Variants in CNNM2 observed in about 807,000 individuals in gnomAD.
CNNM2 encodes cyclin and CBS domain divalent metal cation transport mediator 2, also known as metal transporter CNNM2.
In CNNM2, 12 loss-of-function variants were observed where a neutral mutation model predicts 66.9. That is an observed-to-expected ratio of 0.18 (90% CI 0.11 to 0.29). The LOEUF is 0.29. Among genes scored for constraint, CNNM2 ranks in the 10% least tolerant of loss-of-function variants. CNNM2 has a pLI of 1.00. For synonymous variants in CNNM2, 557 were observed against 501.8 expected, an observed-to-expected ratio of 1.11 and a Z score of -1.47; for missense variants, 705 against 1,167.7, an observed-to-expected ratio of 0.60 and a Z score of 5.77.
chr10:103,027,800 A>G (rs2064735735), intron 1 of CNNM2, among the ~76,000 whole-genome samples: 1 of 152,232 alleles, frequency 6.6e-6, no homozygotes, highest in Non-Finnish European at 1.5e-5. Context: ...ATTATCATTT[A>G]TTGAGCACTT....
At chr10:102,963,640 C>A (rs2134206538) in intron 1 of CNNM2, among the ~76,000 whole-genome samples, 1 of 145,940 alleles carries the variant, frequency 6.9e-6, no homozygotes, top group African/African-American at 2.5e-5. Flanking sequence ...TTTTATTTTT[C>A]TTTCTTTTTT....
chr10:102,986,617 C>CT lies in CNNM2; in HGVS notation c.1622-63088dup, dbSNP rs1554895491. Among the ~76,000 whole-genome samples, 15,752 of 141,500 alleles carry CT rather than the reference C, an allele frequency of 0.11. 850 individuals carry two copies. Among genetic ancestry groups the CT allele is most frequent in the Middle Eastern group, 0.19 (52 of 278 alleles). 92.8% of individuals were successfully genotyped at this position (141,500 alleles called of 152,430 possible). A position where few individuals can be genotyped will look rare whatever the true frequency, so the allele number is the denominator to read the frequency against. The stretch of plus-strand genomic sequence containing the variant: ...CTAACACGATGAAACCATGTCTCTA[C>CT]TTAAAAAAAAAAGTCAGCTGGGCAT... On this transcript the variant is annotated intron_variant, in intron 1 of 7. Transcript: ENST00000369878.
In CNNM2 at chr10:102,994,731, C is replaced by T. The variant is rs115202210; in HGVS notation, c.1622-54976C>T. Among the ~76,000 whole-genome samples the T allele has an allele frequency of 2.2e-3, 329 of 152,356 alleles. 3 individuals carry two copies. Among genetic ancestry groups the T allele is most frequent in the African/African-American group, 7.7e-3 (321 of 41,580 alleles). On this transcript the variant is annotated intron_variant, in intron 1 of 7. Coordinates refer to ENST00000369878, the MANE Select transcript of CNNM2 (RefSeq NM_017649.5). ...ATACCCAGGCCTTGCCTCTGATACC[C>T]GTGACACTAGTTACTAGACACTGTA...
chr10:102,919,699 A>T lies in CNNM2; in HGVS notation c.1219A>T (p.Thr407Ser), dbSNP rs764270473. The T allele has an allele frequency of 6.2e-7, 1 of 1,614,168 alleles. No homozygotes were observed. Among genetic ancestry groups the T allele is most frequent in the South Asian group, 1.1e-5 (1 of 91,088 alleles). ...CTGCGTCCTGGGCCAGGAGATAGGC[A>T]CCGTCTATAACCGGGAAAAACTGCT... ...LDCVLGQEIG[T>S]VYNREKLLEM... Residue 407 changes from threonine to serine, a missense_variant, in exon 1 of 8, where the codon ACC becomes TCC. Thr to Ser is a moderately conservative substitution (Grantham distance 58). Coordinates refer to ENST00000369878, the MANE Select transcript of CNNM2 (RefSeq NM_017649.5).
chr10:103,048,548 T>G, intron 1 of CNNM2, among the ~76,000 whole-genome samples: 1 of 145,512 alleles, frequency 6.9e-6, no homozygotes, highest in East Asian at 1.9e-4. Flanking sequence ...AGCTCAAATT[T>G]TATCATTGGC....
At chr10:103,007,893 G>T (rs1317426260) in intron 1 of CNNM2, among the ~76,000 whole-genome samples, 1 of 152,170 alleles carries the variant, frequency 6.6e-6, no homozygotes, top group African/African-American at 2.4e-5. Context: ...AATTATAAAA[G>T]TATTAATTTG....
At chr10:103,008,353 G>A (rs547800171) in intron 1 of CNNM2, among the ~76,000 whole-genome samples, 1 of 152,300 alleles carries the variant, frequency 6.6e-6, no homozygotes, top group East Asian at 1.9e-4. Flanking sequence ...TATACCAAGT[G>A]CAGGCCCTTC....
intron 1 of CNNM2, among the ~76,000 whole-genome samples, chr10:102,976,660 G>GT (rs1412292791): frequency 8.5e-6 from 1 of 117,030 alleles, no homozygotes; most frequent in Non-Finnish European, 1.7e-5. Flanking sequence ...TAGAGACAGG[G>GT]TTTTACCATG....
chr10:102,945,840 C>T (rs756581174), intron 1 of CNNM2, among the ~76,000 whole-genome samples: 8 of 151,866 alleles, frequency 5.3e-5, no homozygotes, highest in East Asian at 1.9e-4. Flanking sequence ...AATTTCTTCT[C>T]GCAGGATGAT....
chr10:102,920,214 CCTT>C, intron 1 of CNNM2, 113 bp downstream of exon 1: 2 of 1,603,292 alleles, frequency 1.2e-6, no homozygotes, highest in South Asian at 1.1e-5. Context: ...CGGGATTTCT[CCTT>C]CTCCCTCTTA....
chr10:102,919,548 A>G lies in CNNM2; in HGVS notation c.1068A>G (p.Gly356=), dbSNP rs1461912480. The part of the protein sequence containing the change: ...VVSTIGIVIF[G]EIVPQAICSR... ...CCACCATCGGTATCGTCATCTTCGG[A>G]GAGATCGTGCCCCAGGCCATCTGCT... Residue 356 remains glycine, a synonymous_variant, in exon 1 of 8, where the codon GGA becomes GGG. Coordinates refer to ENST00000369878, the MANE Select transcript of CNNM2 (RefSeq NM_017649.5). 4.3e-6 allele frequency: 7 copies of G among 1,613,264 alleles called. No individual in the cohort carries two copies. The African/African-American group carries it at 9.3e-5, about 22-fold the overall frequency.
rs1056173540 is a variant in CNNM2, at chr10:103,086,385, A to G, written c.*9205A>G. 6.6e-6 allele frequency: 1 copy of G among 152,240 alleles called. No individual in the cohort carries two copies. Among genetic ancestry groups the G allele is most frequent in the Non-Finnish European group, 1.5e-5 (1 of 68,046 alleles). The allele number at this position is 152,240 out of a possible 1,614,324, so 9.4% of individuals were successfully genotyped here. On this transcript the variant is annotated 3_prime_UTR_variant, in exon 8 of 8. Transcript: ENST00000369878. ...GATCATAGTTACCATTTTTCCCACC[A>G]TCAAAGACAGATTAAATAGTTTCCA...
At chr10:103,059,624 G>A (rs1406296437) in intron 4 of CNNM2, among the ~76,000 whole-genome samples, 3 of 152,102 alleles carry the variant, frequency 2.0e-5, no homozygotes, top group African/African-American at 4.8e-5. Context: ...TAAAAGCACA[G>A]TAAATCATGG....
chr10:102,981,103 C>G (rs550674043), intron 1 of CNNM2, among the ~76,000 whole-genome samples: 4 of 152,236 alleles, frequency 2.6e-5, no homozygotes, highest in Admixed American at 1.3e-4. Context: ...AATCCCAGCA[C>G]TTTGGGAGGC....
chr10:102,933,042 T>A (rs1393011470), intron 1 of CNNM2, among the ~76,000 whole-genome samples: 3 of 152,174 alleles, frequency 2.0e-5, no homozygotes, highest in Non-Finnish European at 4.4e-5. Context: ...AGCTTTGTAA[T>A]AAGTTTTGAA....
At chr10:103,025,290 C>G (rs1416818505) in intron 1 of CNNM2, among the ~76,000 whole-genome samples, 1 of 152,090 alleles carries the variant, frequency 6.6e-6, no homozygotes, top group Non-Finnish European at 1.5e-5. Flanking sequence ...GGGGTTTCAC[C>G]GTGTTGGCCA....
At chr10:103,011,309 C>T (rs903133339) in intron 1 of CNNM2, among the ~76,000 whole-genome samples, 44 of 152,066 alleles carry the variant, frequency 2.9e-4, no homozygotes, top group Middle Eastern at 3.4e-3. Context: ...AAAAATTAGC[C>T]AGGTGTGGTG....
intron 1 of CNNM2, among the ~76,000 whole-genome samples, chr10:102,998,030 T>A (rs1166888873): frequency 6.7e-6 from 1 of 149,060 alleles, no homozygotes. Flanking sequence ...AGTGTTTTTG[T>A]TTTTTTTTTC....
intron 5 of CNNM2, among the ~76,000 whole-genome samples, chr10:103,070,724 G>A (rs1016735763): frequency 3.3e-5 from 5 of 152,200 alleles, no homozygotes; most frequent in Non-Finnish European, 4.4e-5. Context: ...GAGGTCAGGA[G>A]TTCAAGACCA....
Sources: gnomAD v4.1 joint callset for allele counts (sites outside exome capture counted in the v4.1 genomes callset) on GRCh38, gnomAD v4.1.1 for gene constraint, MANE v1.5 for transcripts, NCBI Gene and HGNC (gene_info 2026-07-23, HGNC 2026-07-21) for gene names.